The following YARS1 variants were observed in gnomAD, a reference collection of about 807,000 sequenced individuals.
The protein encoded by YARS1 is tyrosine--tRNA ligase, cytoplasmic.
YARS1 carries 36 observed loss-of-function variants against 62.2 expected under a neutral mutation model. That is an observed-to-expected ratio of 0.58 (90% CI 0.44 to 0.76). YARS1 has a LOEUF of 0.76. Among genes scored for constraint, YARS1 ranks in the 30% least tolerant of loss-of-function variants. The pLI is 0.00. For missense variants in YARS1, 524 were observed against 639.8 expected, an observed-to-expected ratio of 0.82 and a Z score of 1.95; for synonymous variants, 234 against 244.9, an observed-to-expected ratio of 0.96 and a Z score of 0.42.
At chr1:32,777,478 G>A (rs896743322) in intron 12 of YARS1, among the ~76,000 whole-genome samples, 11 of 152,178 alleles carry the variant, frequency 7.2e-5, no homozygotes, top group African/African-American at 2.4e-4. Flanking sequence ...GGATGTGGTC[G>A]CAGGCACCTG....
rs1652996557 is a variant in YARS1, at chr1:32,779,950, A to C, written c.1334+135T>G. On this transcript the variant is annotated intron_variant, in intron 11 of 12. Transcript: ENST00000373477. ...TGTACGATAAGTCCTTCATGCATCA[A>C]CTTTTGGCATCAGCAAGGAAGAGGC... is the stretch of plus-strand genomic sequence containing the variant. 13 of 1,007,010 alleles carry C rather than the reference A, an allele frequency of 1.3e-5. No homozygotes were observed. The South Asian group carries it at 1.7e-4, about 13-fold the overall frequency. The allele number at this position is 1,007,010 out of a possible 1,614,324, so 62.4% of individuals were successfully genotyped here. A position where few individuals can be genotyped will look rare whatever the true frequency, so the allele number is the denominator to read the frequency against.
At chr1:32,794,025 TA>T (rs374116787) in intron 5 of YARS1, among the ~76,000 whole-genome samples, 272 of 151,928 alleles carry the variant, frequency 1.8e-3, no homozygotes, top group African/African-American at 6.4e-3. Flanking sequence ...AAAGGGGAAG[TA>T]GGGGTAGATA....
chr1:32,805,608 C>T (rs1258035246), intron 4 of YARS1, among the ~76,000 whole-genome samples: 2 of 152,170 alleles, frequency 1.3e-5, no homozygotes, highest in East Asian at 1.9e-4. Context: ...TTTCCGCCTG[C>T]CTCCGCTTTT....
Position 32,779,532 on chromosome 1 carries a change from A to C in YARS1, c.1335-9T>G. On this transcript the variant is annotated splice_polypyrimidine_tract_variant and intron_variant, in intron 11 of 12. Transcript: ENST00000373477. ...GGCGGTTTATCCCTTCTCTGGGAAG[A>C]CACAGGACAAGAGAAGAGTGAGGCT... 2 of 1,614,176 alleles carry C rather than the reference A, an allele frequency of 1.2e-6. No homozygotes were observed. The highest frequency in any genetic ancestry group is 8.5e-7 in the Non-Finnish European group (1 of 1,180,026).
Position 32,779,488 on chromosome 1 carries a change from G to T in YARS1, c.1370C>A (p.Pro457His), listed in dbSNP as rs765473645. 1 of 1,614,110 alleles carries T rather than the reference G, an allele frequency of 6.2e-7. No homozygotes were observed. The highest frequency in any genetic ancestry group is 1.7e-5 in the Admixed American group (1 of 60,008). ...CTCACCAGGAGCAGAGCCTGCCGGA[G>T]GGTCCAGAGGTTCAACCTGGCGGTT... ...GINRQVEPLD[P>H]PAGSAPGEHV... Residue 457 changes from proline to histidine, a missense_variant, in exon 12 of 13, where the codon CCT becomes CAT. Physicochemically the swap from Pro to His is moderately conservative, Grantham distance 77. Coordinates refer to ENST00000373477, the MANE Select transcript of YARS1 (RefSeq NM_003680.4).
At chr1:32,807,219 G>T (rs1638483439) in intron 3 of YARS1, among the ~76,000 whole-genome samples, 1 of 152,114 alleles carries the variant, frequency 6.6e-6, no homozygotes, top group East Asian at 1.9e-4. Flanking sequence ...GTAACATTTA[G>T]AATTTAAGAT....
intron 4 of YARS1, among the ~76,000 whole-genome samples, chr1:32,805,154 T>C (rs1258091487): frequency 3.4e-5 from 5 of 146,112 alleles, no homozygotes; most frequent in Non-Finnish European, 4.5e-5. Flanking sequence ...GGCAGGGAGG[T>C]TGCAGTGAGC....
intron 8 of YARS1, chr1:32,782,756 G>A (rs1653101486): frequency 3.3e-6 from 2 of 604,666 alleles, no homozygotes; most frequent in Admixed American, 5.8e-5. Context: ...TAACTTGAGG[G>A]TGTTTAGGAG....
At position 32,780,269 on chromosome 1, in the gene YARS1, C is replaced by T. The variant is rs945849781; in HGVS notation, c.1150G>A (p.Ala384Thr). ...ATCTTCTCTACATACAGGCTGTCTG[C>T]ATCTGGGTGCTGCCAGGGAGAGACG... is the stretch of plus-strand genomic sequence containing the variant. ...KIITVEKHPD[A>T]DSLYVEKIDV... The change falls in exon 11 of 13, where the codon GCA (alanine) becomes ACA (threonine). Residue 384 changes from alanine to threonine, a missense_variant. Ala to Thr is a moderately conservative substitution (Grantham distance 58). Coordinates refer to ENST00000373477, the MANE Select transcript of YARS1 (RefSeq NM_003680.4). 6.2e-7 allele frequency: 1 copy of T among 1,614,140 alleles called. No individual in the cohort carries two copies. Among genetic ancestry groups the T allele is most frequent in the Non-Finnish European group, 8.5e-7 (1 of 1,180,036 alleles).
chr1:32,777,178 C>T (rs1015115406), intron 12 of YARS1, among the ~76,000 whole-genome samples: 3 of 151,754 alleles, frequency 2.0e-5, no homozygotes, highest in Admixed American at 6.5e-5. Flanking sequence ...TACAGGCATA[C>T]GCCACTGTGC....
At chr1:32,809,902 T>TA (rs1242976039) in intron 3 of YARS1, among the ~76,000 whole-genome samples, 1 of 152,146 alleles carries the variant, frequency 6.6e-6, no homozygotes, top group African/African-American at 2.4e-5. Flanking sequence ...GCTCAGGAGT[T>TA]AGAGGTCAGC....
intron 4 of YARS1, among the ~76,000 whole-genome samples, chr1:32,800,420 A>G (rs982350044): frequency 5.3e-5 from 8 of 152,170 alleles, no homozygotes; most frequent in Admixed American, 1.3e-4. Flanking sequence ...CAGGAGGATC[A>G]CTTGAGGCCA....
chr1:32,779,726 G>T, intron 11 of YARS1: 1 of 669,128 alleles, frequency 1.5e-6, no homozygotes, highest in Non-Finnish European at 2.5e-6. Context: ...CCAAAATTGT[G>T]TGTCAAGATA....
chr1:32,816,923 G>A, intron 1 of YARS1: 1 of 592,246 alleles, frequency 1.7e-6, no homozygotes, highest in South Asian at 2.0e-5. Flanking sequence ...TAATAGGGGG[G>A]TGGAATGGGA....
chr1:32,797,996 G>A (rs926186642), intron 4 of YARS1, 153 bp from the exon 5 acceptor site: 4 of 660,508 alleles, frequency 6.1e-6, no homozygotes, highest in East Asian at 2.9e-5. Context: ...TCAGCCTCCC[G>A]AGTAGTTGGG....
intron 4 of YARS1, among the ~76,000 whole-genome samples, chr1:32,801,942 C>CTTTTT (rs34270752): frequency 5.4e-4 from 56 of 103,874 alleles, no homozygotes; most frequent in Non-Finnish European, 7.5e-4. Flanking sequence ...CTTGTTATTT[C>CTTTTT]TTTTTTTTTT....
intron 4 of YARS1, among the ~76,000 whole-genome samples, chr1:32,803,075 C>T (rs1426165139): frequency 2.7e-5 from 4 of 150,728 alleles, no homozygotes; most frequent in East Asian, 3.9e-4. Flanking sequence ...CTCCACCTCC[C>T]GGGTTCAAGC....
chr1:32,780,069 C>G lies in YARS1; in HGVS notation c.1334+16G>C. The G allele has an allele frequency of 6.2e-7, 1 of 1,614,014 alleles. No homozygotes were observed. The highest frequency in any genetic ancestry group is 8.5e-7 in the Non-Finnish European group (1 of 1,180,010). The stretch of plus-strand genomic sequence containing the variant: ...GCCTCCCCAGGTCCTGTGCCCCACT[C>G]CAAGTCCTCACTCACATAGAAGCAC... On this transcript the variant is annotated intron_variant, in intron 11 of 12. Transcript: ENST00000373477.
intron 4 of YARS1, among the ~76,000 whole-genome samples, chr1:32,799,637 G>A (rs2148611174): frequency 6.6e-6 from 1 of 152,336 alleles, no homozygotes; most frequent in South Asian, 2.1e-4. Flanking sequence ...AGAATCTTCT[G>A]TGGTGATGAA....
Sources: allele counts gnomAD v4.1 joint callset (sites outside exome capture counted in the v4.1 genomes callset), GRCh38; gene constraint gnomAD v4.1.1; transcripts MANE v1.5; gene names NCBI Gene and HGNC (gene_info 2026-07-23, HGNC 2026-07-21).